The following CSMD1 variants were observed in gnomAD, a reference collection of about 807,000 sequenced individuals.
CSMD1 encodes the protein CUB and Sushi multiple domains 1.
A neutral mutation model predicts 417.5 loss-of-function variants in CSMD1; 213 were observed. That is an observed-to-expected ratio of 0.51 (90% confidence interval 0.46 to 0.57). CSMD1 has a LOEUF of 0.57. Among genes scored for constraint, CSMD1 ranks in the 20% least tolerant of loss-of-function variants. CSMD1 has a pLI of 0.00. For missense variants in CSMD1, 6,923 were observed against 4,529.7 expected (o/e 1.53, Z -15.17); for synonymous variants, 2,862 against 1,736.8 (o/e 1.65, Z -16.11).
chr8:4,433,527 C>A (rs1181807510), intron 2 of CSMD1, among the ~76,000 whole-genome samples: 1 of 152,158 alleles, frequency 6.6e-6, no homozygotes, highest in Non-Finnish European at 1.5e-5. Flanking sequence ...CCAGATCCCC[C>A]TGCCGGCAAG....
At chr8:4,023,858 C>G (rs191415923) in intron 4 of CSMD1, among the ~76,000 whole-genome samples, 1 of 145,354 alleles carries the variant, frequency 6.9e-6, no homozygotes, top group Non-Finnish European at 1.5e-5. Flanking sequence ...ACCTCGGGAT[C>G]TGCCCGCCTT....
chr8:4,804,074 T>C, intron 1 of CSMD1, among the ~76,000 whole-genome samples: 1 of 152,230 alleles, frequency 6.6e-6, no homozygotes, highest in East Asian at 1.9e-4. Flanking sequence ...TATTTCATGG[T>C]TATTTGGTTA....
At chr8:3,243,505 C>G (rs945593081) in intron 26 of CSMD1, among the ~76,000 whole-genome samples, 1 of 151,570 alleles carries the variant, frequency 6.6e-6, no homozygotes, top group African/African-American at 2.4e-5. Context: ...GAGGGGGTCA[C>G]AAGATGCTCA....
intron 20 of CSMD1, among the ~76,000 whole-genome samples, chr8:3,362,783 T>G (rs1361994181): frequency 6.6e-6 from 1 of 152,176 alleles, no homozygotes; most frequent in Non-Finnish European, 1.5e-5. Context: ...CACTCTGTAT[T>G]TTATATGACA....
intron 3 of CSMD1, among the ~76,000 whole-genome samples, chr8:4,094,339 C>T (rs1232763810): frequency 2.0e-5 from 3 of 152,028 alleles, no homozygotes; most frequent in African/African-American, 7.2e-5. Context: ...CCAGAGGTGG[C>T]TGTGAGCTGG....
chr8:4,907,452 G>C (rs920054463), intron 1 of CSMD1, among the ~76,000 whole-genome samples: 1 of 152,008 alleles, frequency 6.6e-6, no homozygotes, highest in Non-Finnish European at 1.5e-5. Context: ...CTAAACCTCA[G>C]CATCTGTACC....
intron 40 of CSMD1, 71 bp downstream of exon 40, chr8:3,151,326 T>C: frequency 4.2e-6 from 4 of 958,846 alleles, no homozygotes; most frequent in Non-Finnish European, 6.6e-6. Flanking sequence ...AGGCATTTTA[T>C]TCTGCTTAAT....
intron 2 of CSMD1, among the ~76,000 whole-genome samples, chr8:4,632,970 C>T (rs748805800): frequency 2.0e-5 from 3 of 152,152 alleles, no homozygotes; most frequent in Non-Finnish European, 4.4e-5. Flanking sequence ...GACTGAAGGA[C>T]AGAATGCAGT....
chr8:4,802,944 T>C (rs931918217), intron 1 of CSMD1, among the ~76,000 whole-genome samples: 10 of 152,204 alleles, frequency 6.6e-5, no homozygotes, highest in Admixed American at 2.6e-4. Flanking sequence ...GTGATCTTAG[T>C]GCTGGCTTCT....
intron 5 of CSMD1, among the ~76,000 whole-genome samples, chr8:3,863,666 C>G (rs1413732152): frequency 6.6e-6 from 1 of 152,174 alleles, no homozygotes; most frequent in South Asian, 2.1e-4. Context: ...AACACACACA[C>G]ACACATTTCT....
intron 3 of CSMD1, among the ~76,000 whole-genome samples, chr8:4,213,601 G>A (rs1434098526): frequency 2.0e-5 from 3 of 152,176 alleles, no homozygotes; most frequent in Non-Finnish European, 2.9e-5. Flanking sequence ...AAAATCAAAT[G>A]TCAGCTTTCT....
chr8:4,582,598 G>A (rs1007705039), intron 2 of CSMD1, among the ~76,000 whole-genome samples: 2 of 152,132 alleles, frequency 1.3e-5, no homozygotes, highest in Non-Finnish European at 2.9e-5. Context: ...GTCACTGAAG[G>A]GCTACACATT....
At chr8:4,550,146 C>T (rs1797806815) in intron 2 of CSMD1, among the ~76,000 whole-genome samples, 1 of 151,638 alleles carries the variant, frequency 6.6e-6, no homozygotes, top group Admixed American at 6.6e-5. Flanking sequence ...CTTGGTGTGG[C>T]CACATGACGA....
At chr8:4,771,657 A>C (rs534834799) in intron 1 of CSMD1, among the ~76,000 whole-genome samples, 2 of 152,288 alleles carry the variant, frequency 1.3e-5, no homozygotes, top group African/African-American at 4.8e-5. Flanking sequence ...TACGCAGTCA[A>C]ATTAAAACAT....
In CSMD1 at chr8:3,937,054, G is replaced by A. The variant is rs562440291; in HGVS notation, c.818+60849C>T. Among the ~76,000 whole-genome samples the A allele has an allele frequency of 4.6e-5, 7 of 152,322 alleles. No homozygotes were observed. In the East Asian group the frequency reaches 1.4e-3, roughly 29 times the overall value. On this transcript the variant is annotated intron_variant, in intron 5 of 69. Coordinates refer to ENST00000635120, the MANE Select transcript of CSMD1 (RefSeq NM_033225.6). ...AGTAACTTCAGACATGTTGAAAACA[G>A]CAAGAGAAACAGAATTAGAAGTAGA...
chr8:4,331,015 G>T (rs182173017), intron 3 of CSMD1, among the ~76,000 whole-genome samples: 1 of 152,128 alleles, frequency 6.6e-6, no homozygotes. Context: ...TAAGTTCTTA[G>T]TGCATTATCT....
intron 52 of CSMD1, among the ~76,000 whole-genome samples, chr8:3,003,281 C>G (rs1807575244): frequency 6.6e-6 from 1 of 152,088 alleles, no homozygotes; most frequent in Non-Finnish European, 1.5e-5. Flanking sequence ...ATTTAAGATT[C>G]TATTAGTCTA....
intron 6 of CSMD1, among the ~76,000 whole-genome samples, chr8:3,726,565 T>G (rs747742110): frequency 6.6e-6 from 1 of 152,168 alleles, no homozygotes; most frequent in Non-Finnish European, 1.5e-5. Context: ...TCTTCATGTT[T>G]TCAGGAGAAG....
At chr8:3,151,291 C>T (rs1161084729) in intron 40 of CSMD1, 106 bp downstream of exon 40, 1 of 688,650 alleles carries the variant, frequency 1.5e-6, no homozygotes, top group Non-Finnish European at 2.5e-6. Context: ...CTTTCAATTA[C>T]AGATACAGTT....
Sources: allele counts gnomAD v4.1 joint callset (sites outside exome capture counted in the v4.1 genomes callset), GRCh38; gene constraint gnomAD v4.1.1; transcripts MANE v1.5; gene names NCBI Gene and HGNC (gene_info 2026-07-23, HGNC 2026-07-21).